The following USP54 variants were observed in gnomAD, a reference collection of about 807,000 sequenced individuals.
The protein encoded by USP54 is ubiquitin specific peptidase 54.
In USP54, 87 loss-of-function variants were observed where a neutral mutation model predicts 170.5. The observed-to-expected ratio is 0.51, with a 90% CI of 0.43 to 0.61. The LOEUF is 0.61. Ranked by LOEUF, USP54 falls within the 20% of genes least tolerant of loss-of-function variation. The pLI is 0.00. For missense variants in USP54, 1,786 were observed against 2,047.8 expected (o/e 0.87, Z 2.47); for synonymous variants, 655 against 742.8 (o/e 0.88, Z 1.92).
chr10:73,590,998 T>C (rs1227733475), intron 1 of USP54, among the ~76,000 whole-genome samples: 2 of 148,874 alleles, frequency 1.3e-5, no homozygotes, highest in African/African-American at 5.0e-5. Flanking sequence ...AGAAAATCTA[T>C]GAATTTTTTT....
chr10:73,564,639 A>G (rs2133740397), intron 4 of USP54, among the ~76,000 whole-genome samples: 1 of 152,334 alleles, frequency 6.6e-6, no homozygotes, highest in South Asian at 2.1e-4. Flanking sequence ...CTACAGTTCC[A>G]GGTTCCCTTG....
In USP54 at chr10:73,501,787, A is replaced by G. The variant is rs78415981; in HGVS notation, c.4312-949T>C. ...CCTCAAACACACCAAGCTCATTGCT[A>G]CCTCAGAGTCTTTATACTTCCTGTT... is the stretch of plus-strand genomic sequence containing the variant. On this transcript the variant is annotated intron_variant, in intron 22 of 23. Coordinates refer to ENST00000687698, the MANE Select transcript of USP54 (RefSeq NM_001391956.1). Among the ~76,000 whole-genome samples the G allele has an allele frequency of 9.1e-3, 1,379 of 152,238 alleles. 22 individuals are homozygous for G. Among genetic ancestry groups the G allele is most frequent in the African/African-American group, 0.031 (1,287 of 41,528 alleles).
At chr10:73,587,270 G>A (rs1416853793) in intron 1 of USP54, among the ~76,000 whole-genome samples, 1 of 151,920 alleles carries the variant, frequency 6.6e-6, no homozygotes, top group African/African-American at 2.4e-5. Context: ...TCAGGAGATC[G>A]AGACCATCCT....
At position 73,582,448 on chromosome 10, in the gene USP54, C is replaced by A. The variant is rs531609718; in HGVS notation, c.-581-6087G>T. ...TCACCCAGGCTGGAGTGCAGTGATG[C>A]GATCTTGGCTCACTGCAACAGCCAC... On this transcript the variant is annotated intron_variant, in intron 1 of 23. Transcript: ENST00000687698. Among the ~76,000 whole-genome samples the A allele has an allele frequency of 8.1e-4, 122 of 151,260 alleles. 1 individual carries two copies. The Middle Eastern group carries it at 0.017, about 21-fold the overall frequency.
At chr10:73,597,639 T>C (rs969709235) in intron 1 of USP54, among the ~76,000 whole-genome samples, 1 of 152,202 alleles carries the variant, frequency 6.6e-6, no homozygotes, top group Non-Finnish European at 1.5e-5. Flanking sequence ...GGAGACTGAT[T>C]TGAGTAATAA....
chr10:73,512,270 G>A (rs2060338059), intron 20 of USP54, among the ~76,000 whole-genome samples: 1 of 151,998 alleles, frequency 6.6e-6, no homozygotes, highest in Non-Finnish European at 1.5e-5. Context: ...CTCCCAAGTA[G>A]CTGGACTACT....
At chr10:73,500,520 TGAAGCA>T in intron 23 of USP54, 129 bp downstream of exon 23, 1 of 805,122 alleles carries the variant, frequency 1.2e-6, no homozygotes, top group Non-Finnish European at 1.9e-6. Flanking sequence ...TGCACGACTT[TGAAGCA>T]GTAATTCATA....
intron 16 of USP54, among the ~76,000 whole-genome samples, chr10:73,526,286 C>A (rs1165530057): frequency 6.6e-6 from 1 of 152,026 alleles, no homozygotes; most frequent in Non-Finnish European, 1.5e-5. Flanking sequence ...CTCACTCTGT[C>A]GCCCAGGCTG....
chr10:73,505,686 T>C (rs112009425), intron 20 of USP54: 7,801 of 269,414 alleles, frequency 0.029, 523 homozygotes, highest in African/African-American at 0.15. Context: ...CTGGCTAACA[T>C]GGTAAAACCC....
intron 4 of USP54, among the ~76,000 whole-genome samples, chr10:73,559,751 A>G (rs1188446232): frequency 2.7e-5 from 4 of 149,528 alleles, no homozygotes; most frequent in Admixed American, 6.7e-5. Context: ...AGTATTTTAC[A>G]TATCAGCTTC....
At chr10:73,554,625 C>T (rs1269241617) in intron 4 of USP54, among the ~76,000 whole-genome samples, 1 of 152,134 alleles carries the variant, frequency 6.6e-6, no homozygotes, top group African/African-American at 2.4e-5. Context: ...TTCAAACATA[C>T]AAGAGTAGAC....
chr10:73,506,563 A>G (rs1377866729), intron 20 of USP54: 4 of 152,226 alleles, frequency 2.6e-5, no homozygotes. Flanking sequence ...GCTGAAGCTG[A>G]TATTATTCAT....
chr10:73,556,492 C>T (rs2071087811), intron 4 of USP54, among the ~76,000 whole-genome samples: 1 of 151,644 alleles, frequency 6.6e-6, no homozygotes, highest in East Asian at 1.9e-4. Flanking sequence ...ATTACAGGCA[C>T]CTGCCACCAC....
chr10:73,559,288 C>T (rs1416059003), intron 4 of USP54, among the ~76,000 whole-genome samples: 1 of 151,400 alleles, frequency 6.6e-6, no homozygotes, highest in East Asian at 1.9e-4. Context: ...AGGCTGGGCG[C>T]GGTGGCTCAC....
At chr10:73,580,216 C>G (rs974599204) in intron 1 of USP54, among the ~76,000 whole-genome samples, 2 of 149,068 alleles carry the variant, frequency 1.3e-5, no homozygotes, top group Non-Finnish European at 3.0e-5. Context: ...TCCTAGGGGG[C>G]ATTGAGGCAG....
Position 73,588,163 on chromosome 10 carries a change from G to A in USP54, c.-582+3115C>T, listed in dbSNP as rs188833757. On this transcript the variant is annotated intron_variant, in intron 1 of 23. Coordinates refer to ENST00000687698, the MANE Select transcript of USP54 (RefSeq NM_001391956.1). ...TAAATCCCAAGGCCATATAAAAAAT[G>A]GGGAAAAGTGTATCCTTTTTTTTTT... Among the ~76,000 whole-genome samples the A allele has an allele frequency of 6.6e-5, 10 of 152,260 alleles. No homozygotes were observed. In the East Asian group the frequency reaches 1.9e-3, roughly 29 times the overall value.
At chr10:73,534,806 G>T (rs767858609) in intron 11 of USP54, 36 bp from the exon 12 acceptor site, 2 of 1,597,512 alleles carry the variant, frequency 1.3e-6, no homozygotes, top group Non-Finnish European at 1.7e-6. Context: ...CAAAAAGTGA[G>T]GAAACAGAAC....
At chr10:73,578,084 G>C (rs2076357112) in intron 1 of USP54, among the ~76,000 whole-genome samples, 1 of 152,138 alleles carries the variant, frequency 6.6e-6, no homozygotes, top group Admixed American at 6.6e-5. Flanking sequence ...CCTGAGTACA[G>C]GGAGCAAAAG....
At chr10:73,602,888 A>G (rs576475382) in intron 1 of USP54, among the ~76,000 whole-genome samples, 2 of 151,758 alleles carry the variant, frequency 1.3e-5, no homozygotes, top group South Asian at 4.2e-4. Context: ...AAATAGTATA[A>G]TAGTGGTACA....
Sources: allele counts gnomAD v4.1 joint callset (sites outside exome capture counted in the v4.1 genomes callset), GRCh38; gene constraint gnomAD v4.1.1; transcripts MANE v1.5; gene names NCBI Gene and HGNC (gene_info 2026-07-23, HGNC 2026-07-21).